The following DESI1 variants were observed in gnomAD, a reference collection of about 807,000 sequenced individuals.
DESI1 encodes PPPDE peptidase domain containing 2.
A neutral mutation model predicts 22.4 loss-of-function variants in DESI1; 17 were observed. That is an observed-to-expected ratio of 0.76 (90% confidence interval 0.52 to 1.14). The LOEUF is 1.14. Among genes scored for constraint, DESI1 ranks in the 50% most tolerant of loss-of-function variants. DESI1 has a pLI of 0.00. For missense variants in DESI1, 177 were observed against 208.9 expected, an observed-to-expected ratio of 0.85 and a Z score of 0.94; for synonymous variants, 92 against 84.2, an observed-to-expected ratio of 1.09 and a Z score of -0.51.
intron 4 of DESI1, among the ~76,000 whole-genome samples, 178 bp from the exon 5 acceptor site, chr22:41,603,559 T>G (rs1489999649): frequency 6.6e-6 from 1 of 152,254 alleles, no homozygotes; most frequent in East Asian, 1.9e-4. Flanking sequence ...TAACTGATTT[T>G]TAAGGGAAGG....
Position 41,600,533 on chromosome 22 carries a change from C to G in DESI1, c.*564G>C, listed in dbSNP as rs1487741531. 2.6e-5 allele frequency: 4 copies of G among 153,176 alleles called. No individual in the cohort carries two copies. Among genetic ancestry groups the G allele is most frequent in the Non-Finnish European group, 5.8e-5 (4 of 68,768 alleles). The allele number at this position is 153,176 out of a possible 1,614,324, so 9.5% of individuals were successfully genotyped here. On this transcript the variant is annotated 3_prime_UTR_variant, in exon 6 of 6. Transcript: ENST00000263256. ...CCTTGATCCGGAGGCAATGGCTGCTCCAGCACTGGCCTTGCTTGGGGTAAG... is the reference window on the plus strand; with the variant it reads ...CCTTGATCCGGAGGCAATGGCTGCTGCAGCACTGGCCTTGCTTGGGGTAAG...
chr22:41,603,015 A>G lies in DESI1; in HGVS notation c.413+244T>C, dbSNP rs1246238292. The G allele has an allele frequency of 1.3e-5, 8 of 635,966 alleles. No individual in the cohort carries two copies. In the East Asian group the frequency reaches 1.3e-4, roughly 11 times the overall value. 39.4% of individuals were successfully genotyped at this position (635,966 alleles called of 1,614,324 possible). On this transcript the variant is annotated intron_variant, in intron 5 of 5. Transcript: ENST00000263256. ...TGTGCAAGTACTGAAGCCAGTGTCAAGTGGGTGTCTAAGTTCTGTGGTTGC... is the reference window on the plus strand; with the variant it reads ...TGTGCAAGTACTGAAGCCAGTGTCAGGTGGGTGTCTAAGTTCTGTGGTTGC...
rs2067592665 is a variant in DESI1 at position 41,621,002 on chromosome 22, C to G, written c.-163G>C. 4 of 698,750 alleles carry G rather than the reference C, an allele frequency of 5.7e-6. No homozygotes were observed. The highest frequency in any genetic ancestry group is 6.1e-5 in the Admixed American group (2 of 32,944). 43.3% of individuals were successfully genotyped at this position (698,750 alleles called of 1,614,324 possible). On this transcript the variant is annotated 5_prime_UTR_variant, in exon 1 of 6. Coordinates refer to ENST00000263256, the MANE Select transcript of DESI1 (RefSeq NM_015704.3). Reference sequence around the variant, plus strand: ...GGCCGCCCTGCGCTGCTCGCGCCCCCACACCCGCTACCGGCAACGACTACT... The same window carrying G: ...GGCCGCCCTGCGCTGCTCGCGCCCCGACACCCGCTACCGGCAACGACTACT...
chr22:41,598,245 G>A lies in DESI1; in HGVS notation c.*2852C>T, dbSNP rs1482864795. The A allele has an allele frequency of 1.3e-5, 2 of 152,268 alleles. No individual in the cohort carries two copies. The highest frequency in any genetic ancestry group is 2.9e-5 in the Non-Finnish European group (2 of 68,036). 9.4% of individuals were successfully genotyped at this position (152,268 alleles called of 1,614,324 possible). A position where few individuals can be genotyped will look rare whatever the true frequency, so the allele number is the denominator to read the frequency against. On this transcript the variant is annotated 3_prime_UTR_variant, in exon 6 of 6. Coordinates refer to ENST00000263256, the MANE Select transcript of DESI1 (RefSeq NM_015704.3). ...GGTGTCCACTGTGCAATACAAGTAC[G>A]TGACTCATTTCCCACTGTGCTTGCC...
At chr22:41,607,960 C>T (rs2067492708) in intron 1 of DESI1, 99 bp from the exon 2 acceptor site, 1 of 1,373,140 alleles carries the variant, frequency 7.3e-7, no homozygotes, top group Non-Finnish European at 1.0e-6. Context: ...GGTAACCTGT[C>T]ATAAACCTCT....
chr22:41,608,189 G>A (rs1022525948), intron 1 of DESI1, among the ~76,000 whole-genome samples: 1 of 152,164 alleles, frequency 6.6e-6, no homozygotes, highest in Non-Finnish European at 1.5e-5. Flanking sequence ...TAAGACTATA[G>A]TAATACAATG....
At chr22:41,604,613 G>A (rs1367009917) in intron 3 of DESI1, among the ~76,000 whole-genome samples, 1 of 152,010 alleles carries the variant, frequency 6.6e-6, no homozygotes, top group Non-Finnish European at 1.5e-5. Context: ...TTTGTATCAA[G>A]GATGCAATAG....
chr22:41,617,127 T>G (rs1441694684), intron 1 of DESI1, among the ~76,000 whole-genome samples: 4 of 152,222 alleles, frequency 2.6e-5, no homozygotes, highest in Non-Finnish European at 5.9e-5. Context: ...AGGCATCTAC[T>G]TTACTTCAAT....
At chr22:41,605,755 C>G (rs1267188618) in intron 3 of DESI1, among the ~76,000 whole-genome samples, 1 of 152,144 alleles carries the variant, frequency 6.6e-6, no homozygotes, top group Admixed American at 6.6e-5. Flanking sequence ...ACTGAAAAAT[C>G]CCCTTAACCA....
intron 5 of DESI1, 48 bp from the exon 6 acceptor site, chr22:41,601,238 T>A: frequency 6.5e-7 from 1 of 1,540,994 alleles, no homozygotes; most frequent in Non-Finnish European, 8.8e-7. Flanking sequence ...GGATGTGGCC[T>A]GCTGTCACAC....
At chr22:41,607,977 A>G (rs2067492840) in intron 1 of DESI1, 116 bp from the exon 2 acceptor site, 11 of 1,144,870 alleles carry the variant, frequency 9.6e-6, no homozygotes, top group South Asian at 2.6e-5. Flanking sequence ...CTCTTGAGGG[A>G]CTTTCTAGGA....
chr22:41,610,215 C>T (rs547144458), intron 1 of DESI1, among the ~76,000 whole-genome samples: 36 of 150,862 alleles, frequency 2.4e-4, no homozygotes, highest in African/African-American at 7.1e-4. Flanking sequence ...CCTGTCTCTA[C>T]TAAAAATACA....
At chr22:41,614,294 C>T (rs949522957) in intron 1 of DESI1, among the ~76,000 whole-genome samples, 3 of 152,056 alleles carry the variant, frequency 2.0e-5, no homozygotes, top group Non-Finnish European at 4.4e-5. Context: ...CCTCGGTCTC[C>T]CAAAGTGCAG....
chr22:41,603,804 T>A (rs928625802), intron 4 of DESI1, among the ~76,000 whole-genome samples: 1 of 152,236 alleles, frequency 6.6e-6, no homozygotes, highest in Non-Finnish European at 1.5e-5. Context: ...TCAGAAGGAA[T>A]GAAAAGCCCT....
At chr22:41,616,522 TAAAAC>T (rs2067551383) in intron 1 of DESI1, among the ~76,000 whole-genome samples, 2 of 95,846 alleles carry the variant, frequency 2.1e-5, no homozygotes, top group Admixed American at 1.1e-4. Flanking sequence ...TTACCACAAT[TAAAAC>T]ACACACACAC....
chr22:41,617,435 C>T (rs186287053), intron 1 of DESI1, among the ~76,000 whole-genome samples: 1 of 152,228 alleles, frequency 6.6e-6, no homozygotes, highest in African/African-American at 2.4e-5. Context: ...TTCTAGAATT[C>T]ATCATAAAAA....
In DESI1 at chr22:41,620,743, C is replaced by T. The variant is rs1470937232; in HGVS notation, c.88+9G>A. 5.0e-6 allele frequency: 8 copies of T among 1,603,790 alleles called. No individual in the cohort carries two copies. Among genetic ancestry groups the T allele is most frequent in the South Asian group, 1.1e-5 (1 of 89,552 alleles). ...CGCCCTCCTGCCCACCTGGCCCCTT[C>T]CCCCTCACCCAGCATGATGGGGCTG... On this transcript the variant is annotated intron_variant, in intron 1 of 5. Transcript: ENST00000263256.
chr22:41,607,438 G>T (rs1254104571), intron 2 of DESI1, 107 bp from the exon 3 acceptor site: 2 of 1,075,544 alleles, frequency 1.9e-6, no homozygotes, highest in African/African-American at 3.2e-5. Context: ...AGGACTGTGG[G>T]GACCAGTCTT....
chr22:41,602,756 T>A, intron 5 of DESI1: 17 of 999,290 alleles, frequency 1.7e-5, no homozygotes, highest in Non-Finnish European at 2.0e-5. Context: ...CAGAGTGTTC[T>A]TGAAGAAAAC....
Sources: gnomAD v4.1 joint callset for allele counts (sites outside exome capture counted in the v4.1 genomes callset) on GRCh38, gnomAD v4.1.1 for gene constraint, MANE v1.5 for transcripts, NCBI Gene and HGNC (gene_info 2026-07-23, HGNC 2026-07-21) for gene names.